ADAM17: variants seen among roughly 807,000 people sequenced by gnomAD.
ADAM17 encodes the protein disintegrin and metalloproteinase domain-containing protein 17.
Under a neutral mutation model 96.7 loss-of-function variants are expected in ADAM17, and 39 were observed. The ratio of observed to expected loss-of-function variants is 0.40; its 90% confidence interval spans 0.31 to 0.53. ADAM17 has a LOEUF of 0.53. ADAM17 is among the 20% of genes least tolerant of loss of function. The pLI, the probability that ADAM17 is intolerant of heterozygous loss-of-function variation, is 0.44. For missense variants in ADAM17, 777 were observed against 1,013.2 expected (o/e 0.77, Z 3.17); for synonymous variants, 344 against 359.2 (o/e 0.96, Z 0.48).
intron 4 of ADAM17, among the ~76,000 whole-genome samples, chr2:9,529,207 C>T (rs1032727315): frequency 2.6e-5 from 4 of 152,044 alleles, no homozygotes; most frequent in Admixed American, 1.3e-4. Flanking sequence ...CCCAGCACTT[C>T]GGGAGGCCGA....
chr2:9,492,832 A>G, intron 17 of ADAM17, 66 bp downstream of exon 17: 1 of 1,384,468 alleles, frequency 7.2e-7, no homozygotes, highest in South Asian at 1.4e-5. Context: ...TTTTCCAGAG[A>G]TTACATGGTT....
chr2:9,532,447 T>C (rs1664786192), intron 4 of ADAM17, among the ~76,000 whole-genome samples: 1 of 152,152 alleles, frequency 6.6e-6, no homozygotes, highest in Non-Finnish European at 1.5e-5. Context: ...AGGTATCTGA[T>C]GAGTATACTT....
At chr2:9,514,518 A>AATATATATATATATATATAT (rs70948826) in intron 10 of ADAM17, among the ~76,000 whole-genome samples, 6 of 89,880 alleles carry the variant, frequency 6.7e-5, no homozygotes, top group East Asian at 5.3e-4. Context: ...TTAAAATATA[A>AATATATATATATATATATAT]ATATATATAT....
chr2:9,532,915 G>A lies in ADAM17; in HGVS notation c.450+2919C>T, dbSNP rs764303614. ...TGAAAAAAATGAGTAATCTAGCTGG[G>A]CGTGGTGGCTCATGCCTATAATCTC... On this transcript the variant is annotated intron_variant, in intron 4 of 18. Transcript: ENST00000310823. Among the ~76,000 whole-genome samples, 45 of 152,220 alleles carry A rather than the reference G, an allele frequency of 3.0e-4. No homozygotes were observed. In the Middle Eastern group the frequency reaches 0.014, roughly 46 times the overall value.
chr2:9,495,209 G>A (rs1662481384), intron 14 of ADAM17, among the ~76,000 whole-genome samples: 1 of 152,186 alleles, frequency 6.6e-6, no homozygotes, highest in Non-Finnish European at 1.5e-5. Flanking sequence ...CCACCCTTGG[G>A]TGGGGAGCTC....
rs769479282 is a variant in ADAM17 at position 9,543,336 on chromosome 2, T to C, written c.98-51A>G. 67 of 1,435,984 alleles carry C rather than the reference T, an allele frequency of 4.7e-5. 1 individual carries two copies. Among genetic ancestry groups the C allele is most frequent in the Non-Finnish European group, 5.8e-5 (63 of 1,079,420 alleles). The allele number at this position is 1,435,984 out of a possible 1,614,324, so 89.0% of individuals were successfully genotyped here. A position where few individuals can be genotyped will look rare whatever the true frequency, so the allele number is the denominator to read the frequency against. On this transcript the variant is annotated intron_variant, in intron 1 of 18. Transcript: ENST00000310823. ...AGCATCTAAACCTAATAATCAATTG[T>C]AGTATCGTTAAAATGAGAGTGCCAG...
chr2:9,548,917 A>C (rs1277308986), intron 1 of ADAM17, among the ~76,000 whole-genome samples: 1 of 152,068 alleles, frequency 6.6e-6, no homozygotes, highest in Non-Finnish European at 1.5e-5. Flanking sequence ...GATTAGATAA[A>C]CCTTCCACTC....
At chr2:9,506,617 G>C (rs532362995) in intron 11 of ADAM17, among the ~76,000 whole-genome samples, 1 of 151,956 alleles carries the variant, frequency 6.6e-6, no homozygotes, top group South Asian at 2.1e-4. Flanking sequence ...TGCCCACCTC[G>C]GTCTCCAAAG....
At position 9,518,252 on chromosome 2, in the gene ADAM17, G is replaced by C; in HGVS notation, c.958-5C>G. 1 of 456,838 alleles carries C rather than the reference G, an allele frequency of 2.2e-6. No individual in the cohort carries two copies. The allele number at this position is 456,838 out of a possible 1,614,324, so 28.3% of individuals were successfully genotyped here. Reference sequence around the variant, plus strand: ...AGCTATATCAAAGCTAAATTGCTTTGAAAGACCAAAAAAAAAAAAAAAAAA... The same window carrying C: ...AGCTATATCAAAGCTAAATTGCTTTCAAAGACCAAAAAAAAAAAAAAAAAA... On this transcript the variant is annotated splice_polypyrimidine_tract_variant and splice_region_variant and intron_variant, in intron 8 of 18. Transcript: ENST00000310823.
rs904986115 is a variant in ADAM17 at position 9,502,794 on chromosome 2, G to A, written c.1545-518C>T. 6.1e-5 allele frequency among the ~76,000 whole-genome samples: 9 copies of A among 147,298 alleles called. No individual in the cohort carries two copies. The South Asian group carries it at 1.3e-3, about 21-fold the overall frequency. On this transcript the variant is annotated intron_variant, in intron 12 of 18. Transcript: ENST00000310823. ...CTTAGAAGGCTGAGGCAGGAGAATC[G>A]CCTGGACCCCGGAGACAGAGGTTGC...
chr2:9,520,018 G>C (rs1236519103), intron 8 of ADAM17, among the ~76,000 whole-genome samples: 1 of 152,172 alleles, frequency 6.6e-6, no homozygotes, highest in Non-Finnish European at 1.5e-5. Flanking sequence ...TACCACACAG[G>C]TGCTGCACAT....
intron 3 of ADAM17, 92 bp downstream of exon 3, chr2:9,536,606 C>G (rs995697945): frequency 4.5e-6 from 7 of 1,538,732 alleles, no homozygotes. Flanking sequence ...CCCGTCCCCA[C>G]TATCCTGCAC....
At chr2:9,554,224 G>A (rs1389933170) in intron 1 of ADAM17, among the ~76,000 whole-genome samples, 1 of 152,066 alleles carries the variant, frequency 6.6e-6, no homozygotes, top group Non-Finnish European at 1.5e-5. Context: ...GTGTCAGGGT[G>A]GTGCAAATAT....
rs532749345 is a variant in ADAM17, at chr2:9,510,849, G to A, written c.1192-718C>T. On this transcript the variant is annotated intron_variant, in intron 10 of 18. Coordinates refer to ENST00000310823, the MANE Select transcript of ADAM17 (RefSeq NM_003183.6). ...TTTGTCTCAAAAAAGAGTAATAACC[G>A]GACTATGATTCTTCTACCAATTATA... Among the ~76,000 whole-genome samples, 27 of 151,974 alleles carry A rather than the reference G, an allele frequency of 1.8e-4. 1 individual carries two copies. In the South Asian group the frequency reaches 5.0e-3, roughly 28 times the overall value.
At chr2:9,526,347 A>G (rs961064236) in intron 5 of ADAM17, 103 bp from the exon 6 acceptor site, 2 of 1,206,364 alleles carry the variant, frequency 1.7e-6, no homozygotes, top group Admixed American at 5.0e-5. Flanking sequence ...ACATTATGTG[A>G]GCTTAATATC....
chr2:9,513,791 G>A (rs567504468), intron 10 of ADAM17, among the ~76,000 whole-genome samples: 15 of 152,028 alleles, frequency 9.9e-5, no homozygotes, highest in South Asian at 2.1e-4. Context: ...TTGGGAGGCC[G>A]AGGCAGACGG....
At chr2:9,521,403 A>G in intron 7 of ADAM17, 87 bp from the exon 8 acceptor site, 1 of 970,846 alleles carries the variant, frequency 1.0e-6, no homozygotes, top group South Asian at 1.7e-5. Flanking sequence ...TGTTCAAAAA[A>G]AGAATCGTTC....
chr2:9,490,410 C>A lies in ADAM17; in HGVS notation c.2242G>T (p.Ala748Ser), dbSNP rs761025971. Residue 748 changes from alanine to serine, a missense_variant, in exon 19 of 19, where the codon GCG becomes TCG. Physicochemically the swap from Ala to Ser is moderately conservative, Grantham distance 99. Transcript: ENST00000310823. ...TGGTCCAGTTTTGGAGCTGCTGGCG[C>A]CGAAGGGATCACAGGGGCAGGCTGC... ...RLQPAPVIPS[A>S]PAAPKLDHQR... The A allele has an allele frequency of 5.6e-6, 9 of 1,614,104 alleles. No homozygotes were observed. Among genetic ancestry groups the A allele is most frequent in the Non-Finnish European group, 7.6e-6 (9 of 1,180,012 alleles).
chr2:9,536,584 C>T, intron 3 of ADAM17, 114 bp downstream of exon 3: 1 of 1,414,932 alleles, frequency 7.1e-7, no homozygotes, highest in Non-Finnish European at 9.5e-7. Context: ...AAGAATAGCA[C>T]TTCTATGACA....
Sources: gnomAD v4.1 joint callset for allele counts (sites outside exome capture counted in the v4.1 genomes callset) on GRCh38, gnomAD v4.1.1 for gene constraint, MANE v1.5 for transcripts, NCBI Gene and HGNC (gene_info 2026-07-23, HGNC 2026-07-21) for gene names.